The following SYTL2 variants were observed in gnomAD, a reference collection of about 807,000 sequenced individuals.
SYTL2 encodes synaptotagmin like 2.
In SYTL2, 165 loss-of-function variants were observed where a neutral mutation model predicts 198.7. That is an observed-to-expected ratio of 0.83 (90% CI 0.73 to 0.94). SYTL2 has a LOEUF of 0.94. SYTL2 is among the 40% of genes least tolerant of loss of function. The pLI, the probability that SYTL2 is intolerant of heterozygous loss-of-function variation, is 0.00. For missense variants in SYTL2, 2,835 were observed against 2,582.8 expected (o/e 1.10, Z -2.12); for synonymous variants, 966 against 917.7 (o/e 1.05, Z -0.95).
the SYTL2 span, among the ~76,000 whole-genome samples, chr11:85,844,687 A>G: frequency 6.6e-6 from 1 of 152,330 alleles, no homozygotes; most frequent in Non-Finnish European, 1.5e-5. Context: ...AGCCTGAGAC[A>G]AGCTCCTTGG....
rs1233743341 is a variant in SYTL2 at position 85,789,312 on chromosome 11, ATGTG to A, written c.-390+21638_-390+21641del. Among the ~76,000 whole-genome samples, 200 of 92,906 alleles carry A rather than the reference ATGTG, an allele frequency of 2.2e-3. 3 individuals are homozygous for A. The East Asian group carries it at 0.058, about 27-fold the overall frequency. 60.9% of individuals were successfully genotyped at this position (92,906 alleles called of 152,430 possible). A position where few individuals can be genotyped will look rare whatever the true frequency, so the allele number is the denominator to read the frequency against. ...ATATATATATTTATTTATTTATATG[ATGTG>A]TGTGTGTATGTGTGTGTGTGTGTGT... On this transcript the variant is annotated intron_variant, in intron 1 of 19. Transcript: ENST00000359152.
the SYTL2 span, among the ~76,000 whole-genome samples, chr11:85,831,149 T>C: frequency 0.013 from 1,905 of 152,320 alleles, 39 homozygotes; most frequent in African/African-American, 0.042. Context: ...GAGTCATGTG[T>C]GGATACTCAT....
the SYTL2 span, chr11:85,852,932 C>T: frequency 5.5e-5 from 16 of 292,414 alleles, no homozygotes; most frequent in South Asian, 3.9e-4. Flanking sequence ...AGGTGAGGAG[C>T]GTCTCTACCC....
chr11:85,794,898 G>A (rs557088268), intron 1 of SYTL2, among the ~76,000 whole-genome samples: 8 of 151,926 alleles, frequency 5.3e-5, no homozygotes. Flanking sequence ...AGAAAACCAA[G>A]AAAAAACAAT....
At chr11:85,853,658 A>T in the SYTL2 span, 55 of 78,976 alleles carry the variant, frequency 7.0e-4, no homozygotes, top group East Asian at 1.8e-3. Flanking sequence ...AATGATCAAT[A>T]AAAAAAAAAA....
At chr11:85,775,405 T>C (rs1191936536) in intron 1 of SYTL2, among the ~76,000 whole-genome samples, 1 of 152,192 alleles carries the variant, frequency 6.6e-6, no homozygotes, top group Non-Finnish European at 1.5e-5. Context: ...CACTGTACTG[T>C]AGCACACGTA....
At chr11:85,773,422 C>T (rs1211063591) in intron 1 of SYTL2, among the ~76,000 whole-genome samples, 2 of 152,206 alleles carry the variant, frequency 1.3e-5, no homozygotes, top group African/African-American at 2.4e-5. Flanking sequence ...GCTTCTTAAA[C>T]TCCTAGTCAT....
Position 85,726,497 on chromosome 11 carries a change from T to G in SYTL2, c.2861A>C (p.Glu954Ala), listed in dbSNP as rs757072013. 2.5e-6 allele frequency: 4 copies of G among 1,608,126 alleles called. No individual in the cohort carries two copies. The South Asian group carries it at 3.3e-5, about 13-fold the overall frequency. The change falls in exon 8 of 20, where the codon GAA (glutamate) becomes GCA (alanine). Residue 954 changes from glutamate to alanine, a missense_variant. Physicochemically the swap from Glu to Ala is moderately radical, Grantham distance 107. This residue lies in a region of SYTL2 where 2,645 missense variants were observed against 2,381.7 expected (regional missense o/e 1.11). Coordinates refer to ENST00000359152, the MANE Select transcript of SYTL2 (RefSeq NM_206927.4). Reference protein sequence around the residue: ...PLEKDRPLVRESNANFKVMSL... With the variant: ...PLEKDRPLVRASNANFKVMSL... ...CATAACTTTAAAGTTGGCATTTGAT[T>G]CACGAACTAGAGGTCTGTCTTTCTC...
At chr11:85,729,060 C>A (rs556223842) in intron 7 of SYTL2, among the ~76,000 whole-genome samples, 2 of 152,138 alleles carry the variant, frequency 1.3e-5, no homozygotes, top group African/African-American at 2.4e-5. Context: ...TATATATGCA[C>A]CCAATACAGG....
In SYTL2 at chr11:85,724,691, G is replaced by C. The variant is rs151067848; in HGVS notation, c.4667C>G (p.Ala1556Gly). The C allele has an allele frequency of 7.6e-5, 122 of 1,613,940 alleles. No individual in the cohort carries two copies. The highest frequency in any genetic ancestry group is 1.0e-4 in the Non-Finnish European group (119 of 1,179,992). Reference sequence around the variant, plus strand: ...AAAAGCACTCTCAGTTATTAACGGAGCCTCGGCCTTTTCTACTGTTTCTTT... The same window carrying C: ...AAAAGCACTCTCAGTTATTAACGGACCCTCGGCCTTTTCTACTGTTTCTTT... ...ELKETVEKAE[A>G]PLITESAFDA... The change falls in exon 8 of 20, where the codon GCT becomes GGT. Residue 1556 changes from alanine (A) to glycine (G), a missense_variant. By Grantham distance (60) the Ala-to-Gly change is moderately conservative. Coordinates refer to ENST00000359152, the MANE Select transcript of SYTL2 (RefSeq NM_206927.4).
intron 1 of SYTL2, among the ~76,000 whole-genome samples, chr11:85,774,988 C>T (rs1449798424): frequency 2.0e-5 from 3 of 149,504 alleles, no homozygotes; most frequent in Admixed American, 2.0e-4. Context: ...CAGGTGCCTT[C>T]CTGTTTTTTT....
intron 1 of SYTL2, among the ~76,000 whole-genome samples, chr11:85,799,595 T>C (rs1012275175): frequency 6.6e-6 from 1 of 152,198 alleles, no homozygotes; most frequent in African/African-American, 2.4e-5. Context: ...TGGCCTCAGC[T>C]CCTGCCAGCC....
the SYTL2 span, among the ~76,000 whole-genome samples, chr11:85,833,241 T>C: frequency 6.7e-6 from 1 of 149,244 alleles, no homozygotes. Flanking sequence ...TCATATAACA[T>C]ATTGGGCATC....
At chr11:85,768,904 C>G (rs1347420879) in intron 1 of SYTL2, among the ~76,000 whole-genome samples, 2 of 152,144 alleles carry the variant, frequency 1.3e-5, no homozygotes, top group African/African-American at 2.4e-5. Context: ...ATATCTTGGT[C>G]TCTGGTTCTG....
intron 2 of SYTL2, among the ~76,000 whole-genome samples, 162 bp from the exon 3 acceptor site, chr11:85,748,585 C>T (rs773473291): frequency 7.9e-5 from 12 of 152,196 alleles, no homozygotes; most frequent in Non-Finnish European, 1.5e-5. Context: ...TGTATGTTCA[C>T]CTTTGAAAAG....
At chr11:85,837,379 T>C in the SYTL2 span, among the ~76,000 whole-genome samples, 1 of 152,104 alleles carries the variant, frequency 6.6e-6, no homozygotes, top group Admixed American at 6.5e-5. Context: ...AAAGGCAATG[T>C]GAGGACACAG....
At chr11:85,745,046 G>GTA (rs1255051555) in intron 4 of SYTL2, among the ~76,000 whole-genome samples, 7 of 152,136 alleles carry the variant, frequency 4.6e-5, no homozygotes, top group Non-Finnish European at 8.8e-5. Flanking sequence ...CATTTACTGA[G>GTA]TATCTATCAT....
At position 85,704,896 on chromosome 11, in the gene SYTL2, G is replaced by GT; in HGVS notation, c.6150dup (p.Gln2051ThrfsTer3). 1 of 1,613,704 alleles carries GT rather than the reference G, an allele frequency of 6.2e-7. No individual in the cohort carries two copies. Among genetic ancestry groups the GT allele is most frequent in the Non-Finnish European group, 8.5e-7 (1 of 1,179,754 alleles). On this transcript the variant is annotated frameshift_variant, in exon 16 of 20. Coordinates refer to ENST00000359152, the MANE Select transcript of SYTL2 (RefSeq NM_206927.4). LOFTEE classifies it high-confidence loss of function. ...GGGTACCATCTCAATTGTTTATTCT[G>GT]TTTGTTATCCCAGTCCCATGTTTCC...
chr11:85,806,486 T>C (rs988955916), intron 1 of SYTL2, among the ~76,000 whole-genome samples: 8 of 152,230 alleles, frequency 5.3e-5, no homozygotes, highest in African/African-American at 1.7e-4. Flanking sequence ...CTGCTTTCAT[T>C]ATACTGTATT....
Sources: gnomAD v4.1 joint callset for allele counts (sites outside exome capture counted in the v4.1 genomes callset) on GRCh38, gnomAD v4.1.1 for gene constraint, gnomAD v4.1.1 regional missense constraint, MANE v1.5 for transcripts, NCBI Gene and HGNC (gene_info 2026-07-23, HGNC 2026-07-21) for gene names.